Variants in IPCEF1 observed in about 807,000 individuals in gnomAD.
IPCEF1 encodes the protein interactor protein for cytohesin exchange factors 1.
In IPCEF1, 31 loss-of-function variants were observed where a neutral mutation model predicts 50.9. The observed-to-expected ratio is 0.61, with a 90% CI of 0.46 to 0.82. The LOEUF (loss-of-function observed/expected upper bound fraction) is 0.82, where lower values mean the gene tolerates loss of function less well. Among genes scored for constraint, IPCEF1 ranks in the 40% least tolerant of loss-of-function variants. The pLI, the probability that IPCEF1 is intolerant of heterozygous loss-of-function variation, is 0.00. For missense variants in IPCEF1, 458 were observed against 514.0 expected (o/e 0.89, Z 1.05); for synonymous variants, 181 against 192.0 (o/e 0.94, Z 0.47).
intron 1 of IPCEF1, among the ~76,000 whole-genome samples, chr6:154,321,170 A>G (rs1174569359): frequency 3.3e-5 from 5 of 152,144 alleles, no homozygotes; most frequent in Non-Finnish European, 2.9e-5. Flanking sequence ...GGCTCAAGCA[A>G]TCCTCCCATC....
intron 2 of IPCEF1, among the ~76,000 whole-genome samples, chr6:154,269,017 C>T (rs1032083295): frequency 1.3e-5 from 2 of 152,164 alleles, no homozygotes; most frequent in South Asian, 4.1e-4. Context: ...GGTCCTTTAA[C>T]ATCTGACTCT....
intron 1 of IPCEF1, among the ~76,000 whole-genome samples, chr6:154,333,823 A>G (rs2128694766): frequency 6.6e-6 from 1 of 152,090 alleles, no homozygotes; most frequent in South Asian, 2.1e-4. Context: ...GTAAATATAT[A>G]TATACATATT....
intron 10 of IPCEF1, among the ~76,000 whole-genome samples, chr6:154,198,117 A>G (rs1357476037): frequency 6.6e-6 from 1 of 152,206 alleles, no homozygotes; most frequent in Non-Finnish European, 1.5e-5. Flanking sequence ...ACCTCCAGTG[A>G]TAAGGAATGC....
chr6:154,300,749 A>G (rs894647190), intron 1 of IPCEF1, among the ~76,000 whole-genome samples: 1 of 152,262 alleles, frequency 6.6e-6, no homozygotes, highest in African/African-American at 2.4e-5. Flanking sequence ...TTGAAGAAAC[A>G]GACATTTTAT....
At chr6:154,183,417 A>G (rs1801071139) in intron 10 of IPCEF1, among the ~76,000 whole-genome samples, 1 of 152,256 alleles carries the variant, frequency 6.6e-6, no homozygotes, top group South Asian at 2.1e-4. Flanking sequence ...TAAAGATAGT[A>G]CTTCTTGCCA....
intron 11 of IPCEF1, among the ~76,000 whole-genome samples, chr6:154,162,774 A>G (rs1799128132): frequency 6.6e-6 from 1 of 152,048 alleles, no homozygotes; most frequent in African/African-American, 2.4e-5. Context: ...TCCCAAGTTT[A>G]TATCTCTCCT....
chr6:154,319,478 T>G (rs1393943225), intron 1 of IPCEF1, among the ~76,000 whole-genome samples: 1 of 152,202 alleles, frequency 6.6e-6, no homozygotes, highest in Admixed American at 6.6e-5. Flanking sequence ...TTCAAAAAAT[T>G]GTTTCTACTC....
chr6:154,189,479 A>G (rs1481972837), intron 10 of IPCEF1, among the ~76,000 whole-genome samples: 1 of 151,744 alleles, frequency 6.6e-6, no homozygotes, highest in African/African-American at 2.4e-5. Flanking sequence ...TGAAAGAAAA[A>G]ATGTGCAAAA....
intron 10 of IPCEF1, among the ~76,000 whole-genome samples, chr6:154,196,444 A>G (rs1199196584): frequency 2.0e-5 from 3 of 152,184 alleles, no homozygotes; most frequent in Non-Finnish European, 4.4e-5. Context: ...CTTGTTATCT[A>G]CATGACTCCC....
Position 154,330,521 on chromosome 6 carries a change from T to A in IPCEF1, c.-62+26151A>T, listed in dbSNP as rs1286580697. 2.0e-4 allele frequency among the ~76,000 whole-genome samples: 30 copies of A among 151,950 alleles called. 1 individual carries two copies. The highest frequency in any genetic ancestry group is 2.0e-3 in the Admixed American group (30 of 15,262). On this transcript the variant is annotated intron_variant, in intron 1 of 11. Transcript: ENST00000367220. Reference sequence around the variant, plus strand: ...TTTTATGATCGGTAGAGATAAGGTCTTACTATGTTGCCCAGGCTGGTCTAA... The same window carrying A: ...TTTTATGATCGGTAGAGATAAGGTCATACTATGTTGCCCAGGCTGGTCTAA...
rs186758161 is a variant in IPCEF1, at chr6:154,237,178, A to T, written c.246+9413T>A. Among the ~76,000 whole-genome samples, 414 of 152,296 alleles carry T rather than the reference A, an allele frequency of 2.7e-3. 2 individuals are homozygous for T. The highest frequency in any genetic ancestry group is 9.6e-3 in the African/African-American group (400 of 41,554). The stretch of plus-strand genomic sequence containing the variant: ...TCTTCAAATAAAGACTTCTCAGGAA[A>T]ATCCTCAAACCTAATGAAAAGTTCA... On this transcript the variant is annotated intron_variant, in intron 5 of 11. Transcript: ENST00000367220.
intron 11 of IPCEF1, 137 bp from the exon 12 acceptor site, chr6:154,160,177 C>T: frequency 1.4e-6 from 1 of 694,250 alleles, no homozygotes; most frequent in Non-Finnish European, 2.4e-6. Context: ...TGTTCTAATT[C>T]CAGCATTAAG....
chr6:154,319,965 A>G (rs1783332679), intron 1 of IPCEF1, among the ~76,000 whole-genome samples: 1 of 152,212 alleles, frequency 6.6e-6, no homozygotes, highest in Non-Finnish European at 1.5e-5. Context: ...AAGGAGGCCA[A>G]TCATATTTTA....
intron 5 of IPCEF1, among the ~76,000 whole-genome samples, chr6:154,229,978 T>C: frequency 6.6e-6 from 1 of 152,190 alleles, no homozygotes; most frequent in African/African-American, 2.4e-5. Context: ...CAGTTATGAC[T>C]GTGTGATTCC....
At chr6:154,348,647 G>C (rs1241432091) in intron 1 of IPCEF1, among the ~76,000 whole-genome samples, 3 of 152,128 alleles carry the variant, frequency 2.0e-5, no homozygotes, top group African/African-American at 7.2e-5. Flanking sequence ...TGTCAGGATG[G>C]AAAAAGAGGT....
intron 1 of IPCEF1, among the ~76,000 whole-genome samples, chr6:154,317,050 G>C (rs67742422): frequency 0.065 from 9,831 of 152,004 alleles, 681 homozygotes; most frequent in East Asian, 0.33. Flanking sequence ...TGTGATCTTG[G>C]GGTAGGCAAA....
At chr6:154,266,028 C>T (rs1781745069) in intron 2 of IPCEF1, 64 bp from the exon 3 acceptor site, 2 of 885,434 alleles carry the variant, frequency 2.3e-6, no homozygotes, top group Admixed American at 4.6e-5. Context: ...ACATATATCT[C>T]TTTGAGTGGG....
At chr6:154,330,896 TA>T (rs374271485) in intron 1 of IPCEF1, among the ~76,000 whole-genome samples, 104 of 152,236 alleles carry the variant, frequency 6.8e-4, no homozygotes, top group African/African-American at 2.3e-3. Context: ...CTTCCATATT[TA>T]AAAATGTTGG....
chr6:154,164,815 C>T (rs149212326), intron 11 of IPCEF1, among the ~76,000 whole-genome samples: 1 of 152,178 alleles, frequency 6.6e-6, no homozygotes, highest in African/African-American at 2.4e-5. Context: ...TAAAAGCAGA[C>T]TTAGCCAAAA....
Sources: gnomAD v4.1 joint callset for allele counts (sites outside exome capture counted in the v4.1 genomes callset) on GRCh38, gnomAD v4.1.1 for gene constraint, MANE v1.5 for transcripts, NCBI Gene and HGNC (gene_info 2026-07-23, HGNC 2026-07-21) for gene names.